Variants in ELMO1 observed in about 807,000 individuals in gnomAD.
ELMO1 encodes engulfment and cell motility protein 1.
A neutral mutation model predicts 98.9 loss-of-function variants in ELMO1; 26 were observed. That is an observed-to-expected ratio of 0.26 (90% CI 0.19 to 0.36). The LOEUF is 0.36. Ranked by LOEUF, ELMO1 falls within the 10% of genes least tolerant of loss-of-function variation. The pLI, the probability that ELMO1 is intolerant of heterozygous loss-of-function variation, is 1.00. For synonymous variants in ELMO1, 346 were observed against 346.0 expected (o/e 1.00, Z 0.00); for missense variants, 627 against 935.2 (o/e 0.67, Z 4.30).
intron 13 of ELMO1, among the ~76,000 whole-genome samples, chr7:37,182,756 C>T (rs946499825): frequency 1.3e-5 from 2 of 152,106 alleles, no homozygotes; most frequent in Admixed American, 6.5e-5. Flanking sequence ...CTTCTTACCC[C>T]GTGTGAGACT....
intron 1 of ELMO1, among the ~76,000 whole-genome samples, chr7:37,345,572 G>A (rs185136277): frequency 3.9e-5 from 6 of 152,280 alleles, no homozygotes; most frequent in South Asian, 4.1e-4. Flanking sequence ...TTAGCCTGGC[G>A]TGGTGGTGCT....
At chr7:37,273,068 T>C (rs2723953) in intron 4 of ELMO1, among the ~76,000 whole-genome samples, 63,150 of 152,088 alleles carry the variant, frequency 0.42, 13,648 homozygotes, top group Middle Eastern at 0.54. Context: ...ATTAAGGAGT[T>C]TGGTTTCTTA....
chr7:37,217,054 G>A (rs944973094), intron 10 of ELMO1, among the ~76,000 whole-genome samples: 1 of 152,188 alleles, frequency 6.6e-6, no homozygotes, highest in African/African-American at 2.4e-5. Flanking sequence ...CGTGCAGAAA[G>A]CTTTTATTAG....
At chr7:37,436,308 G>A (rs1164747818) in intron 1 of ELMO1, among the ~76,000 whole-genome samples, 2 of 152,172 alleles carry the variant, frequency 1.3e-5, no homozygotes, top group Admixed American at 1.3e-4. Flanking sequence ...TGTAGTTGCT[G>A]AATAACCCAT....
At chr7:37,167,649 G>A (rs1789815164) in intron 13 of ELMO1, among the ~76,000 whole-genome samples, 1 of 152,050 alleles carries the variant, frequency 6.6e-6, no homozygotes, top group African/African-American at 2.4e-5. Context: ...TTTTCTTTAA[G>A]AATGTTGAAT....
intron 4 of ELMO1, among the ~76,000 whole-genome samples, chr7:37,295,728 T>C (rs1214394601): frequency 6.6e-6 from 1 of 152,190 alleles, no homozygotes; most frequent in Non-Finnish European, 1.5e-5. Context: ...GCTCAGATAA[T>C]GCCTCAGAGC....
At chr7:36,882,050 C>T in intron 18 of ELMO1, among the ~76,000 whole-genome samples, 1 of 152,114 alleles carries the variant, frequency 6.6e-6, no homozygotes, top group East Asian at 1.9e-4. Flanking sequence ...GTGTGAAATG[C>T]CAGCCAGTTC....
At chr7:36,904,378 T>C (rs1425060276) in intron 16 of ELMO1, among the ~76,000 whole-genome samples, 2 of 152,180 alleles carry the variant, frequency 1.3e-5, no homozygotes, top group East Asian at 3.8e-4. Flanking sequence ...GAAACAGGAA[T>C]GGATGGCAGG....
intron 16 of ELMO1, among the ~76,000 whole-genome samples, chr7:36,932,445 G>GA (rs576212870): frequency 6.4e-4 from 97 of 152,312 alleles, no homozygotes; most frequent in African/African-American, 2.2e-3. Context: ...ATGCATGGAT[G>GA]AAAAAATCTC....
intron 13 of ELMO1, among the ~76,000 whole-genome samples, chr7:37,203,043 T>C (rs1362480742): frequency 6.6e-6 from 1 of 152,160 alleles, no homozygotes; most frequent in African/African-American, 2.4e-5. Flanking sequence ...CAACGGTCCC[T>C]GGACCCTGCT....
At chr7:37,204,302 T>C (rs1792477609) in intron 13 of ELMO1, 1 of 444,472 alleles carries the variant, frequency 2.2e-6, no homozygotes. Context: ...TTCGGACATG[T>C]CCAGAGTTTC....
intron 8 of ELMO1, 64 bp downstream of exon 8, chr7:37,233,026 TCAAAG>T: frequency 7.5e-7 from 1 of 1,339,240 alleles, no homozygotes; most frequent in Non-Finnish European, 1.0e-6. Context: ...TGAAACATCC[TCAAAG>T]CAGAGAAAAA....
At chr7:36,940,896 T>C (rs1039343454) in intron 16 of ELMO1, among the ~76,000 whole-genome samples, 2 of 152,180 alleles carry the variant, frequency 1.3e-5, no homozygotes, top group African/African-American at 4.8e-5. Context: ...AAGATTTATA[T>C]AGTTAGGAAA....
At chr7:37,087,353 A>G (rs1783843242) in intron 15 of ELMO1, among the ~76,000 whole-genome samples, 1 of 152,162 alleles carries the variant, frequency 6.6e-6, no homozygotes, top group Non-Finnish European at 1.5e-5. Flanking sequence ...ATCATATAGC[A>G]TCCCAGTTTA....
chr7:37,177,898 C>T (rs1013491117), intron 13 of ELMO1, among the ~76,000 whole-genome samples: 1 of 152,114 alleles, frequency 6.6e-6, no homozygotes, highest in Non-Finnish European at 1.5e-5. Flanking sequence ...TCTAAAATAT[C>T]CACAGATCCA....
intron 1 of ELMO1, among the ~76,000 whole-genome samples, chr7:37,441,234 A>T (rs1055017839): frequency 2.6e-5 from 2 of 76,130 alleles, no homozygotes; most frequent in South Asian, 5.8e-4. Context: ...TAGGGGAGTC[A>T]TAGCTAGTCT....
At chr7:36,904,184 C>A (rs945702267) in intron 16 of ELMO1, among the ~76,000 whole-genome samples, 4 of 152,260 alleles carry the variant, frequency 2.6e-5, no homozygotes, top group Admixed American at 6.5e-5. Flanking sequence ...CCACCCTGAG[C>A]AGGCAGGCTT....
chr7:37,369,225 G>A (rs1014572336), intron 1 of ELMO1, among the ~76,000 whole-genome samples: 1 of 152,112 alleles, frequency 6.6e-6, no homozygotes, highest in African/African-American at 2.4e-5. Context: ...TGGGGGAGAT[G>A]GAAGGGATGA....
intron 10 of ELMO1, among the ~76,000 whole-genome samples, chr7:37,219,384 T>A (rs954065281): frequency 1.3e-5 from 2 of 152,182 alleles, no homozygotes; most frequent in African/African-American, 4.8e-5. Context: ...TGTGAATGTG[T>A]CTGGCCCCAA....
Sources: allele counts gnomAD v4.1 joint callset (sites outside exome capture counted in the v4.1 genomes callset), GRCh38; gene constraint gnomAD v4.1.1; transcripts MANE v1.5; gene names NCBI Gene and HGNC (gene_info 2026-07-23, HGNC 2026-07-21).